MLC1: variants seen among roughly 807,000 people sequenced by gnomAD.
The protein encoded by MLC1 is membrane protein MLC1.
In MLC1, 32 loss-of-function variants were observed where a neutral mutation model predicts 44.7. The observed-to-expected ratio is 0.72, with a 90% CI of 0.54 to 0.96. The LOEUF is 0.96. MLC1 is among the 40% of genes least tolerant of loss of function. The pLI, the probability that MLC1 is intolerant of heterozygous loss-of-function variation, is 0.00. For missense variants in MLC1, 459 were observed against 492.2 expected, an observed-to-expected ratio of 0.93 and a Z score of 0.64; for synonymous variants, 190 against 213.0, an observed-to-expected ratio of 0.89 and a Z score of 0.94.
rs752096196 is a variant in MLC1, at chr22:50,064,133, C to T, written c.960G>A (p.Thr320=). The change falls in exon 11 of 12, where the codon ACG becomes ACA. Residue 320 remains threonine (T), a synonymous_variant. Transcript: ENST00000311597. The part of the protein sequence containing the change: ...LVLLLQAGLN[T]GTAIQCVRFK... ...AGCGCACGCACTGGATGGCGGTGCC[C>T]GTGTTGAGGCCGGCCTGCAGCAGGA... The T allele has an allele frequency of 5.6e-6, 9 of 1,609,042 alleles. No homozygotes were observed. Among genetic ancestry groups the T allele is most frequent in the South Asian group, 1.1e-5 (1 of 90,970 alleles).
intron 9 of MLC1, 144 bp from the exon 10 acceptor site, chr22:50,068,699 A>G: frequency 1.3e-6 from 1 of 771,566 alleles, no homozygotes; most frequent in Non-Finnish European, 2.0e-6. Flanking sequence ...TCCTGCTGAA[A>G]CCTCTGCCTT....
rs771337423 is a variant in MLC1 at position 50,074,244 on chromosome 22, G to A, written c.686C>T (p.Ser229Leu). 6.2e-7 allele frequency: 1 copy of A among 1,613,884 alleles called. No homozygotes were observed. Among genetic ancestry groups the A allele is most frequent in the Admixed American group, 1.7e-5 (1 of 59,982 alleles). ...CACTAGGATCCAAAAGAACGTCACT[G>A]AGAGGTGTGGGCCTGAAACTGAGTC... ...VDDSVSGPHLSVTFFWILVAC... is the reference protein window; with the variant it reads ...VDDSVSGPHLLVTFFWILVAC... Residue 229 changes from serine to leucine, a missense_variant, in exon 8 of 12, where the codon TCA (serine) becomes TTA (leucine). Coordinates refer to ENST00000311597, the MANE Select transcript of MLC1 (RefSeq NM_015166.4).
At chr22:50,081,009 A>AAAAGGAAGAAAGAAAG (rs1555967990) in intron 3 of MLC1, among the ~76,000 whole-genome samples, 1 of 96,740 alleles carries the variant, frequency 1.0e-5, no homozygotes, top group African/African-American at 4.5e-5. Context: ...TTGTCTCAAA[A>AAAAGGAAGAAAGAAAG]AAAGAAAGAA....
chr22:50,074,693 G>T, intron 7 of MLC1: 1 of 338,914 alleles, frequency 3.0e-6, no homozygotes, highest in Non-Finnish European at 5.8e-6. Context: ...TCAGACCCTG[G>T]ACCCCATCGA....
Position 50,061,580 on chromosome 22 carries a change from G to A in MLC1, c.*3C>T, listed in dbSNP as rs1280676074. 10 of 1,613,486 alleles carry A rather than the reference G, an allele frequency of 6.2e-6. No homozygotes were observed. The highest frequency in any genetic ancestry group is 2.7e-5 in the African/African-American group (2 of 74,890). The stretch of plus-strand genomic sequence containing the variant: ...GCTGCCACCCGGTTTCCGCGTCTGG[G>A]GGTCACTGGGCCATTTGCACCACGA... On this transcript the variant is annotated 3_prime_UTR_variant, in exon 12 of 12. Coordinates refer to ENST00000311597, the MANE Select transcript of MLC1 (RefSeq NM_015166.4).
chr22:50,085,795 A>T (rs2062264618), upstream of MLC1: 1 of 148,880 alleles, frequency 6.7e-6, no homozygotes, highest in African/African-American at 2.5e-5. Context: ...TCACATAAGC[A>T]TTCACGCACT....
At chr22:50,077,628 A>C in intron 5 of MLC1, 126 bp from the exon 6 acceptor site, 2 of 753,050 alleles carry the variant, frequency 2.7e-6, no homozygotes, top group Non-Finnish European at 2.3e-6. Flanking sequence ...CACTTTTCCC[A>C]TCCAGGGCCA....
At position 50,064,018 on chromosome 22, in the gene MLC1, CCT is replaced by C. The variant is rs376717299; in HGVS notation, c.1059+14_1059+15del. 2.7e-5 allele frequency: 41 copies of C among 1,509,852 alleles called. 1 individual carries two copies. The highest frequency in any genetic ancestry group is 3.9e-5 in the Admixed American group (2 of 51,184). 93.5% of individuals were successfully genotyped at this position (1,509,852 alleles called of 1,614,324 possible). ...ACTCACCTCCCCAGTGCCCCCTCCC[CCT>C]GCAGGCCACTCACCTCCCCAGCCAG... On this transcript the variant is annotated intron_variant, in intron 11 of 11. Coordinates refer to ENST00000311597, the MANE Select transcript of MLC1 (RefSeq NM_015166.4).
chr22:50,064,305 C>T (rs755062189), intron 10 of MLC1, 107 bp from the exon 11 acceptor site: 20 of 1,373,738 alleles, frequency 1.5e-5, no homozygotes, highest in South Asian at 5.0e-5. Flanking sequence ...TGCCAGGGCT[C>T]GAGTCGGAGC....
rs941131769 is a variant in MLC1, at chr22:50,061,489, G to A, written c.*94C>T. 7.6e-7 allele frequency: 1 copy of A among 1,309,692 alleles called. No homozygotes were observed. The highest frequency in any genetic ancestry group is 1.2e-5 in the South Asian group (1 of 85,186). 81.1% of individuals were successfully genotyped at this position (1,309,692 alleles called of 1,614,324 possible). A position where few individuals can be genotyped will look rare whatever the true frequency, so the allele number is the denominator to read the frequency against. On this transcript the variant is annotated 3_prime_UTR_variant, in exon 12 of 12. Coordinates refer to ENST00000311597, the MANE Select transcript of MLC1 (RefSeq NM_015166.4). Reference sequence around the variant, plus strand: ...TTTGCCCTCACACAAGGGAAAAGAGGTGTTAGAAGCAGTAGCTCAGGGCGA... The same window carrying A: ...TTTGCCCTCACACAAGGGAAAAGAGATGTTAGAAGCAGTAGCTCAGGGCGA...
In MLC1 at chr22:50,060,310, G is replaced by A. The variant is rs1013861019; in HGVS notation, c.*1273C>T. On this transcript the variant is annotated 3_prime_UTR_variant, in exon 12 of 12. Coordinates refer to ENST00000311597, the MANE Select transcript of MLC1 (RefSeq NM_015166.4). ...AGGACCCAGGCGCCCTCGGGACGAG[G>A]AGACGCAGGGAAACCCACTCCTGGC... The A allele has an allele frequency of 6.6e-6, 1 of 152,392 alleles. No homozygotes were observed. The highest frequency in any genetic ancestry group is 1.5e-5 in the Non-Finnish European group (1 of 68,064). The allele number at this position is 152,392 out of a possible 1,614,324, so 9.4% of individuals were successfully genotyped here. A position where few individuals can be genotyped will look rare whatever the true frequency, so the allele number is the denominator to read the frequency against.
At chr22:50,064,349 C>G in intron 10 of MLC1, 151 bp from the exon 11 acceptor site, 3 of 864,428 alleles carry the variant, frequency 3.5e-6, no homozygotes, top group Non-Finnish European at 5.5e-6. Context: ...ATTTCAACAA[C>G]CTGATGATAA....
Position 50,078,491 on chromosome 22 carries a change from C to G in MLC1, c.424-989G>C, listed in dbSNP as rs186481365. On this transcript the variant is annotated intron_variant, in intron 5 of 11. Coordinates refer to ENST00000311597, the MANE Select transcript of MLC1 (RefSeq NM_015166.4). ...AGGCGGCTCACGCCTGTGATCCCAG[C>G]ACTTTGGGGGACCGAGGCGGTTGGA... Among the ~76,000 whole-genome samples the G allele has an allele frequency of 1.3e-4, 19 of 151,786 alleles. No homozygotes were observed. In the East Asian group the frequency reaches 3.7e-3, roughly 30 times the overall value.
chr22:50,062,559 G>A (rs893396654), intron 11 of MLC1, among the ~76,000 whole-genome samples: 2 of 152,276 alleles, frequency 1.3e-5, no homozygotes, highest in African/African-American at 4.8e-5. Flanking sequence ...GGGCGACGGG[G>A]TCAGCTGAGA....
chr22:50,076,375 C>G (rs751029661), intron 7 of MLC1, among the ~76,000 whole-genome samples: 1 of 151,920 alleles, frequency 6.6e-6, no homozygotes, highest in Non-Finnish European at 1.5e-5. Context: ...GCCAACATGC[C>G]GAAACCCTGC....
At chr22:50,075,167 GGCC>G (rs1282299337) in intron 7 of MLC1, among the ~76,000 whole-genome samples, 40 of 150,270 alleles carry the variant, frequency 2.7e-4, no homozygotes, top group Non-Finnish European at 4.8e-4. Flanking sequence ...CTCAGGGAGG[GGCC>G]GCAACCAGCA....
rs765426637 is a variant in MLC1, at chr22:50,068,725, CTTTT to C, written c.772-174_772-171del. 0.1 allele frequency among the ~76,000 whole-genome samples: 10,592 copies of C among 104,884 alleles called. 390 individuals carry two copies. The highest frequency in any genetic ancestry group is 0.32 in the East Asian group (1,205 of 3,794). The allele number at this position is 104,884 out of a possible 152,430, so 68.8% of individuals were successfully genotyped here. A position where few individuals can be genotyped will look rare whatever the true frequency, so the allele number is the denominator to read the frequency against. ...CCTCTGCCTTTTCTTTTTTCTTTTT[CTTTT>C]TTTTTTTTTTTTTTTTTGAGACAAG... On this transcript the variant is annotated intron_variant, in intron 9 of 11. Transcript: ENST00000311597.
At chr22:50,080,618 TCTTAA>T (rs1357117282) in intron 3 of MLC1, among the ~76,000 whole-genome samples, 1 of 152,166 alleles carries the variant, frequency 6.6e-6, no homozygotes, top group Non-Finnish European at 1.5e-5. Flanking sequence ...CCCAAGCTGA[TCTTAA>T]CTTTGGGCTC....
In MLC1 at chr22:50,067,323, G is replaced by GT. The variant is rs200177515; in HGVS notation, c.894+1109dup. Reference sequence around the variant, plus strand: ...CAGTGACTCCATCCCCCATCAGACAGTGACTCCATTACCCCATTAGACAGT... The same window carrying GT: ...CAGTGACTCCATCCCCCATCAGACAGTTGACTCCATTACCCCATTAGACAGT... On this transcript the variant is annotated intron_variant, in intron 10 of 11. Transcript: ENST00000311597. Among the ~76,000 whole-genome samples the GT allele has an allele frequency of 5.9e-4, 84 of 142,592 alleles. 2 individuals carry two copies. In the East Asian group the frequency reaches 0.016, roughly 27 times the overall value. The allele number at this position is 142,592 out of a possible 152,430, so 93.5% of individuals were successfully genotyped here.
Sources: gnomAD v4.1 joint callset for allele counts (sites outside exome capture counted in the v4.1 genomes callset) on GRCh38, gnomAD v4.1.1 for gene constraint, MANE v1.5 for transcripts, NCBI Gene and HGNC (gene_info 2026-07-23, HGNC 2026-07-21) for gene names.